The following FBLN2 variants were observed in gnomAD, a reference collection of about 807,000 sequenced individuals.
FBLN2 encodes the protein fibulin 2.
FBLN2 carries 81 observed loss-of-function variants against 123.7 expected under a neutral mutation model. The ratio of observed to expected loss-of-function variants is 0.65; its 90% confidence interval spans 0.55 to 0.79. FBLN2 has a LOEUF of 0.79. Among genes scored for constraint, FBLN2 ranks in the 30% least tolerant of loss-of-function variants. The probability of loss-of-function intolerance (pLI) is 0.00; values close to 1 mark genes in which losing one functional copy is unlikely to be tolerated. For synonymous variants in FBLN2, 699 were observed against 701.4 expected (o/e 1.00, Z 0.05); for missense variants, 1,603 against 1,681.3 (o/e 0.95, Z 0.81).
At chr3:13,636,663 C>G (rs1706484356) in intron 17 of FBLN2, 95 bp downstream of exon 17, 1 of 1,434,774 alleles carries the variant, frequency 7.0e-7, no homozygotes, top group African/African-American at 1.4e-5. Context: ...GCCTTGATCA[C>G]CTCCCTCTCG....
At chr3:13,617,805 C>T (rs1705685701) in intron 5 of FBLN2, among the ~76,000 whole-genome samples, 1 of 145,740 alleles carries the variant, frequency 6.9e-6, no homozygotes, top group African/African-American at 2.5e-5. Flanking sequence ...CCCACCCATC[C>T]ACTCACTCAC....
chr3:13,631,324 G>C lies in FBLN2; in HGVS notation c.3086-5G>C, dbSNP rs1443775806. On this transcript the variant is annotated splice_region_variant and splice_polypyrimidine_tract_variant and intron_variant, in intron 15 of 17. Coordinates refer to ENST00000404922, the MANE Select transcript of FBLN2 (RefSeq NM_001004019.2). Reference sequence around the variant, plus strand: ...TTCACCAGGGGCTGAACCTCTCTCTGACAGACATCGACGAGTGTGCTCAAG... The same window carrying C: ...TTCACCAGGGGCTGAACCTCTCTCTCACAGACATCGACGAGTGTGCTCAAG... 1 of 1,601,010 alleles carries C rather than the reference G, an allele frequency of 6.2e-7. No homozygotes were observed. The highest frequency in any genetic ancestry group is 8.5e-7 in the Non-Finnish European group (1 of 1,174,474).
At chr3:13,583,542 C>G (rs1013847947) in intron 2 of FBLN2, among the ~76,000 whole-genome samples, 2 of 152,226 alleles carry the variant, frequency 1.3e-5, no homozygotes, top group Non-Finnish European at 2.9e-5. Flanking sequence ...GTCTGGATGG[C>G]TGGCCCTCAA....
intron 9 of FBLN2, among the ~76,000 whole-genome samples, chr3:13,623,676 C>T (rs1342303635): frequency 6.6e-6 from 1 of 152,212 alleles, no homozygotes; most frequent in Non-Finnish European, 1.5e-5. Flanking sequence ...GTGGCCTTTG[C>T]AGCCAGCCTG....
At chr3:13,575,106 A>G (rs907156851) in intron 2 of FBLN2, among the ~76,000 whole-genome samples, 4 of 152,128 alleles carry the variant, frequency 2.6e-5, no homozygotes, top group Non-Finnish European at 5.9e-5. Flanking sequence ...TCGCATTTCT[A>G]ATTGCTCAGC....
rs1175168155 is a variant in FBLN2 at position 13,576,730 on chromosome 3, C to CT, written c.1306+5069_1306+5070insT. 2.5e-4 allele frequency among the ~76,000 whole-genome samples: 38 copies of CT among 152,006 alleles called. No individual in the cohort carries two copies. In the East Asian group the frequency reaches 7.4e-3, roughly 29 times the overall value. On this transcript the variant is annotated intron_variant, in intron 2 of 17. Coordinates refer to ENST00000404922, the MANE Select transcript of FBLN2 (RefSeq NM_001004019.2). ...GGGTGGTCAGGGGGATCCCCCCCCC[C>CT]CGGGTTCACTCATTTATCCACCCAG...
intron 2 of FBLN2, among the ~76,000 whole-genome samples, chr3:13,607,597 T>C (rs1705249447): frequency 6.6e-6 from 1 of 152,188 alleles, no homozygotes; most frequent in Admixed American, 6.5e-5. Flanking sequence ...TTTTCGTATC[T>C]CTTGCCCTGT....
At chr3:13,573,886 G>C (rs79421965) in intron 2 of FBLN2, among the ~76,000 whole-genome samples, 11 of 125,786 alleles carry the variant, frequency 8.7e-5, no homozygotes, top group Non-Finnish European at 1.4e-4. Flanking sequence ...GGCGACAAGA[G>C]TGAAACTCAA....
Position 13,618,290 on chromosome 3 carries a change from G to A in FBLN2, c.1939+5G>A, listed in dbSNP as rs111455203. On this transcript the variant is annotated splice_donor_5th_base_variant and intron_variant, in intron 6 of 17. Transcript: ENST00000404922. ...ATGGCCGCACTTGCCGCCCAGGTAA[G>A]GGCCCTGATGGCCAGGGCAGGGGCT... is the stretch of plus-strand genomic sequence containing the variant. 1.4e-4 allele frequency: 233 copies of A among 1,613,482 alleles called. 1 individual carries two copies. The highest frequency in any genetic ancestry group is 1.9e-4 in the Non-Finnish European group (223 of 1,179,832).
chr3:13,613,261 A>T (rs1424450536), intron 4 of FBLN2, among the ~76,000 whole-genome samples: 1 of 152,224 alleles, frequency 6.6e-6, no homozygotes, highest in Non-Finnish European at 1.5e-5. Flanking sequence ...TGGGAAATAC[A>T]CACTTTCTCT....
intron 9 of FBLN2, 110 bp from the exon 10 acceptor site, chr3:13,626,335 G>A: frequency 8.5e-7 from 1 of 1,177,874 alleles, no homozygotes; most frequent in South Asian, 2.0e-5. Flanking sequence ...TGAGCTCCCT[G>A]AGGGCAGGGC....
chr3:13,636,132 G>A (rs1169894348), intron 16 of FBLN2, among the ~76,000 whole-genome samples: 5 of 152,210 alleles, frequency 3.3e-5, no homozygotes, highest in Non-Finnish European at 7.4e-5. Flanking sequence ...GGCCTCTGTG[G>A]AAGAGAAGGA....
intron 17 of FBLN2, among the ~76,000 whole-genome samples, chr3:13,637,285 A>C (rs892870944): frequency 6.6e-6 from 1 of 152,198 alleles, no homozygotes; most frequent in African/African-American, 2.4e-5. Flanking sequence ...GGAGGGAGGA[A>C]GAAAGGAGCA....
chr3:13,586,543 G>T (rs1421765366), intron 2 of FBLN2, among the ~76,000 whole-genome samples: 3 of 149,982 alleles, frequency 2.0e-5, no homozygotes, highest in Non-Finnish European at 4.4e-5. Context: ...TGTCACCCAG[G>T]CTGGAGTGCA....
chr3:13,617,840 C>G (rs1164329427), intron 5 of FBLN2, among the ~76,000 whole-genome samples: 1 of 147,968 alleles, frequency 6.8e-6, no homozygotes, highest in African/African-American at 2.5e-5. Context: ...ATCCATCTAC[C>G]CATCCATCTA....
At chr3:13,575,910 A>G (rs1704125700) in intron 2 of FBLN2, among the ~76,000 whole-genome samples, 1 of 152,134 alleles carries the variant, frequency 6.6e-6, no homozygotes, top group Non-Finnish European at 1.5e-5. Flanking sequence ...CACCTCTTGG[A>G]CTGTGCTCTG....
chr3:13,613,070 T>A (rs933343531), intron 4 of FBLN2, among the ~76,000 whole-genome samples: 2 of 152,100 alleles, frequency 1.3e-5, no homozygotes, highest in Non-Finnish European at 2.9e-5. Context: ...TTGTTTCTGC[T>A]CCCTGCAGTG....
intron 2 of FBLN2, among the ~76,000 whole-genome samples, chr3:13,591,158 G>A (rs1320908268): frequency 6.6e-6 from 1 of 152,182 alleles, no homozygotes; most frequent in Non-Finnish European, 1.5e-5. Context: ...TACAAGTTAT[G>A]ATGTTGTCTA....
chr3:13,562,601 C>T (rs781726291), intron 1 of FBLN2, among the ~76,000 whole-genome samples: 17 of 152,150 alleles, frequency 1.1e-4, no homozygotes, highest in East Asian at 1.9e-4. Context: ...ATGATCCACC[C>T]GCCTTGGCCT....
Sources: gnomAD v4.1 joint callset for allele counts (sites outside exome capture counted in the v4.1 genomes callset) on GRCh38, gnomAD v4.1.1 for gene constraint, MANE v1.5 for transcripts, NCBI Gene and HGNC (gene_info 2026-07-23, HGNC 2026-07-21) for gene names.